Variants in CPS1 observed in about 807,000 individuals in gnomAD.
CPS1 encodes the protein carbamoyl-phosphate synthase [ammonia], mitochondrial.
A neutral mutation model predicts 174.6 loss-of-function variants in CPS1; 109 were observed. That is an observed-to-expected ratio of 0.62 (90% CI 0.53 to 0.73). The LOEUF is 0.73. Among genes scored for constraint, CPS1 ranks in the 30% least tolerant of loss-of-function variants. CPS1 has a pLI of 0.00. For synonymous variants in CPS1, 637 were observed against 632.0 expected, an observed-to-expected ratio of 1.01 and a Z score of -0.12; for missense variants, 1,689 against 1,821.9, an observed-to-expected ratio of 0.93 and a Z score of 1.33.
intron 1 of CPS1, among the ~76,000 whole-genome samples, chr2:210,568,284 G>A (rs1037510114): frequency 1.3e-5 from 2 of 152,060 alleles, no homozygotes; most frequent in Admixed American, 6.6e-5. Context: ...CTGACAGAGA[G>A]GTGGGGAATC....
Position 210,668,268 on chromosome 2 carries a change from T to A in CPS1, c.4085T>A (p.Ile1362Asn). The change falls in exon 34 of 38, where the codon ATC (isoleucine) becomes AAC (asparagine). Residue 1362 changes from isoleucine (I) to asparagine (N), a missense_variant. Transcript: ENST00000233072. Reference sequence around the variant, plus strand: ...GGATTTAAGATACCCCAGAAAGGCATCCTGATAGGCATCCAGGTAAGTGGT... The same window carrying A: ...GGATTTAAGATACCCCAGAAAGGCAACCTGATAGGCATCCAGGTAAGTGGT... ...STGFKIPQKGILIGIQQSFRP... is the reference protein window; with the variant it reads ...STGFKIPQKGNLIGIQQSFRP... 6.2e-7 allele frequency: 1 copy of A among 1,613,276 alleles called. No homozygotes were observed. The highest frequency in any genetic ancestry group is 8.5e-7 in the Non-Finnish European group (1 of 1,179,252).
chr2:210,637,665 G>A (rs779923112), intron 21 of CPS1, 37 bp from the exon 22 acceptor site: 3 of 1,612,140 alleles, frequency 1.9e-6, no homozygotes, highest in Non-Finnish European at 2.5e-6. Flanking sequence ...ATTGTTTTTG[G>A]TCTAAACTTG....
chr2:210,582,571 T>C (rs1559087891), intron 5 of CPS1, 46 bp from the exon 6 acceptor site: 1 of 1,441,268 alleles, frequency 6.9e-7, no homozygotes, highest in East Asian at 2.3e-5. Context: ...TGTCAACACC[T>C]TTATCGTTGC....
intron 1 of CPS1, among the ~76,000 whole-genome samples, chr2:210,515,537 A>G (rs1268159470): frequency 6.6e-6 from 1 of 151,452 alleles, no homozygotes; most frequent in Non-Finnish European, 1.5e-5. Flanking sequence ...TTTCTGTGGG[A>G]TTGGTGCTAA....
chr2:210,619,791 T>C (rs1699443406), intron 21 of CPS1: 1 of 152,092 alleles, frequency 6.6e-6, no homozygotes, highest in Admixed American at 6.6e-5. Context: ...TAGCAGAGGA[T>C]GAGCATATCA....
intron 20 of CPS1, 30 bp from the exon 21 acceptor site, chr2:210,616,393 C>G: frequency 6.8e-7 from 1 of 1,474,470 alleles, no homozygotes; most frequent in Non-Finnish European, 9.5e-7. Flanking sequence ...AAATGTTTGC[C>G]AAAGAAAGTA....
chr2:210,612,388 A>T (rs1699161751), intron 20 of CPS1, 95 bp downstream of exon 20: 1 of 1,477,804 alleles, frequency 6.8e-7, no homozygotes, highest in Non-Finnish European at 9.4e-7. Context: ...AAGTGGTTTT[A>T]AATCAGGGAT....
chr2:210,517,065 T>C (rs1695702629), intron 1 of CPS1, among the ~76,000 whole-genome samples: 1 of 151,978 alleles, frequency 6.6e-6, no homozygotes. Flanking sequence ...ATCCCTATTT[T>C]ATTTCTCTAC....
Position 210,650,565 on chromosome 2 carries a change from C to T in CPS1, c.3480+127C>T, listed in dbSNP as rs1034477964. 10 of 786,016 alleles carry T rather than the reference C, an allele frequency of 1.3e-5. 1 individual carries two copies. The highest frequency in any genetic ancestry group is 1.2e-4 in the African/African-American group (7 of 58,276). The allele number at this position is 786,016 out of a possible 1,614,324, so 48.7% of individuals were successfully genotyped here. ...TTACTTTGTATGTTTTCTTTTCACA[C>T]AATGTGTTAGAATGAGTTTTCTTTT... is the stretch of plus-strand genomic sequence containing the variant. On this transcript the variant is annotated intron_variant, in intron 28 of 37. Coordinates refer to ENST00000233072, the MANE Select transcript of CPS1 (RefSeq NM_001875.5).
At chr2:210,655,011 G>A (rs1700663330) in intron 29 of CPS1, among the ~76,000 whole-genome samples, 1 of 152,112 alleles carries the variant, frequency 6.6e-6, no homozygotes, top group South Asian at 2.1e-4. Flanking sequence ...GTGGTCATCT[G>A]TTTTCTTTTA....
At chr2:210,648,913 G>A (rs1325288948) in intron 27 of CPS1, among the ~76,000 whole-genome samples, 1 of 152,220 alleles carries the variant, frequency 6.6e-6, no homozygotes, top group African/African-American at 2.4e-5. Context: ...ACTATTGTCA[G>A]CACCTTCTGA....
At chr2:210,640,488 C>G (rs184551348) in intron 24 of CPS1, among the ~76,000 whole-genome samples, 1 of 152,138 alleles carries the variant, frequency 6.6e-6, no homozygotes, top group African/African-American at 2.4e-5. Flanking sequence ...ATATGACTTT[C>G]GTTTACCTCA....
intron 6 of CPS1, among the ~76,000 whole-genome samples, chr2:210,583,119 G>C (rs1444533152): frequency 1.3e-5 from 2 of 151,966 alleles, no homozygotes; most frequent in Non-Finnish European, 2.9e-5. Context: ...CAGAATCTGG[G>C]GGCATTTTGT....
At chr2:210,481,351 T>C (rs1367004021) in intron 1 of CPS1, among the ~76,000 whole-genome samples, 1 of 152,246 alleles carries the variant, frequency 6.6e-6, no homozygotes, top group Non-Finnish European at 1.5e-5. Context: ...CAGGTCCCCA[T>C]TTCTCTATAT....
chr2:210,639,900 A>T (rs1487412721), intron 23 of CPS1, 96 bp from the exon 24 acceptor site: 1 of 876,968 alleles, frequency 1.1e-6, no homozygotes, highest in East Asian at 2.4e-5. Context: ...CAAGAGGAAG[A>T]TGAGAAATAC....
intron 1 of CPS1, among the ~76,000 whole-genome samples, chr2:210,499,564 G>C (rs184424442): frequency 6.6e-6 from 1 of 152,274 alleles, no homozygotes; most frequent in African/African-American, 2.4e-5. Flanking sequence ...CCAAAGAATG[G>C]CTGACTTTGT....
At chr2:210,485,564 T>C (rs1440846378) in intron 1 of CPS1, among the ~76,000 whole-genome samples, 2 of 152,196 alleles carry the variant, frequency 1.3e-5, no homozygotes, top group Admixed American at 6.5e-5. Flanking sequence ...TTTCACTCAG[T>C]ATAATTATTT....
intron 1 of CPS1, among the ~76,000 whole-genome samples, chr2:210,510,885 G>A (rs926482995): frequency 9.2e-5 from 14 of 152,176 alleles, no homozygotes; most frequent in Non-Finnish European, 1.9e-4. Context: ...GAAACAACAG[G>A]TGCTGAAGAG....
At chr2:210,637,919 G>A in intron 22 of CPS1, 76 bp downstream of exon 22, 1 of 1,510,118 alleles carries the variant, frequency 6.6e-7, no homozygotes, top group East Asian at 2.3e-5. Context: ...CATTCAAAAG[G>A]CCATTGTTAA....
Sources: gnomAD v4.1 joint callset for allele counts (sites outside exome capture counted in the v4.1 genomes callset) on GRCh38, gnomAD v4.1.1 for gene constraint, MANE v1.5 for transcripts, NCBI Gene and HGNC (gene_info 2026-07-23, HGNC 2026-07-21) for gene names.